TAF4: variants seen among roughly 807,000 people sequenced by gnomAD.
TAF4 encodes the protein TATA-box binding protein associated factor 4, also known as transcription initiation factor TFIID subunit 4.
In TAF4, 9 loss-of-function variants were observed where a neutral mutation model predicts 90.3. The observed-to-expected ratio is 0.10, with a 90% CI of 0.06 to 0.17. The LOEUF is 0.17. Among genes scored for constraint, TAF4 ranks in the 10% least tolerant of loss-of-function variants. The pLI, the probability that TAF4 is intolerant of heterozygous loss-of-function variation, is 1.00. For missense variants in TAF4, 1,351 were observed against 1,370.7 expected (o/e 0.99, Z 0.23); for synonymous variants, 818 against 638.9 (o/e 1.28, Z -4.23).
intron 9 of TAF4, 52 bp from the exon 10 acceptor site, chr20:62,000,773 G>A (rs1026985101): frequency 1.3e-6 from 2 of 1,597,434 alleles, no homozygotes; most frequent in Middle Eastern, 1.7e-4. Flanking sequence ...TTCATCGGGA[G>A]GTGGGCTGGG....
rs1428412855 is a variant in TAF4, at chr20:62,010,647, G to A, written c.1642-482C>T. On this transcript the variant is annotated intron_variant, in intron 3 of 14. Transcript: ENST00000252996. This position sits in a 1 kb window ranked among gnomAD's most constrained non-coding sequence, Gnocchi z 4.5. ...AGCCTCCCATAGGGGAGGGTCCCCAGCTCCCTGCAATCACCCAAACCCACC... is the reference window on the plus strand; with the variant it reads ...AGCCTCCCATAGGGGAGGGTCCCCAACTCCCTGCAATCACCCAAACCCACC... 6.6e-6 allele frequency among the ~76,000 whole-genome samples: 1 copy of A among 152,128 alleles called. No homozygotes were observed. Among genetic ancestry groups the A allele is most frequent in the Non-Finnish European group, 1.5e-5 (1 of 68,034 alleles).
At chr20:62,029,052 C>T (rs1366142034) in intron 1 of TAF4, among the ~76,000 whole-genome samples, 2 of 152,028 alleles carry the variant, frequency 1.3e-5, no homozygotes, top group Non-Finnish European at 1.5e-5. Flanking sequence ...AAAAATTAGC[C>T]GGGCACGGTG....
Position 62,037,925 on chromosome 20 carries a change from G to A in TAF4, c.1361-23218C>T, listed in dbSNP as rs186443420. On this transcript the variant is annotated intron_variant, in intron 1 of 14. Coordinates refer to ENST00000252996, the MANE Select transcript of TAF4 (RefSeq NM_003185.4). ...ACCTCTGGATTTGCACGATTTTGTG[G>A]GGATTTCTGGGTCAAGTGACTAATG... 2.0e-5 allele frequency: 4 copies of A among 199,702 alleles called. No homozygotes were observed. The East Asian group carries it at 4.7e-4, about 24-fold the overall frequency. 12.4% of individuals were successfully genotyped at this position (199,702 alleles called of 1,614,324 possible).
chr20:62,046,653 G>A (rs1426501404), intron 1 of TAF4, among the ~76,000 whole-genome samples: 1 of 152,194 alleles, frequency 6.6e-6, no homozygotes, highest in African/African-American at 2.4e-5. Context: ...GCCGCACACG[G>A]TCAATCAGTA....
At chr20:62,057,500 C>T (rs1177302047) in intron 1 of TAF4, among the ~76,000 whole-genome samples, 2 of 152,290 alleles carry the variant, frequency 1.3e-5, no homozygotes, top group African/African-American at 4.8e-5. Context: ...CCAACACCAC[C>T]CTACCTGGCT....
chr20:61,986,157 T>A (rs368463106), intron 14 of TAF4, among the ~76,000 whole-genome samples: 1 of 70,770 alleles, frequency 1.4e-5, no homozygotes. Flanking sequence ...CCATCCCCCA[T>A]CAAAGGAAAC....
rs367603505 is a variant in TAF4 at position 62,014,523 on chromosome 20, A to G, written c.1521+24T>C. 10 of 1,574,606 alleles carry G rather than the reference A, an allele frequency of 6.4e-6. No individual in the cohort carries two copies. The African/African-American group carries it at 1.4e-4, about 21-fold the overall frequency. On this transcript the variant is annotated intron_variant, in intron 2 of 14. Coordinates refer to ENST00000252996, the MANE Select transcript of TAF4 (RefSeq NM_003185.4). ...GGGGCTGGGCAGGGAAGGGGTTCGC[A>G]CTCCAGGGCACACGTGCACTCACCT...
intron 14 of TAF4, among the ~76,000 whole-genome samples, chr20:61,993,581 T>C (rs1176421117): frequency 6.6e-6 from 1 of 152,222 alleles, no homozygotes; most frequent in African/African-American, 2.4e-5. Context: ...GGCTAACCAG[T>C]GTCTCGCTGC....
At chr20:61,990,712 C>T (rs962389985) in intron 14 of TAF4, among the ~76,000 whole-genome samples, 1 of 152,162 alleles carries the variant, frequency 6.6e-6, no homozygotes, top group African/African-American at 2.4e-5. Flanking sequence ...CAGGAGAGAA[C>T]CTGCTGGGAG....
intron 2 of TAF4, 41 bp from the exon 3 acceptor site, chr20:62,012,975 A>G (rs1276720124): frequency 6.2e-7 from 1 of 1,609,656 alleles, no homozygotes; most frequent in East Asian, 2.2e-5. Context: ...GCGCAAGTAA[A>G]AGGAATTCCC....
At chr20:62,043,148 C>T (rs1253756033) in intron 1 of TAF4, among the ~76,000 whole-genome samples, 2 of 152,156 alleles carry the variant, frequency 1.3e-5, no homozygotes, top group African/African-American at 4.8e-5. Flanking sequence ...ACGGTGAAAC[C>T]TACAAAAAAA....
chr20:61,992,992 C>G (rs2055640956), intron 14 of TAF4, among the ~76,000 whole-genome samples: 1 of 152,196 alleles, frequency 6.6e-6, no homozygotes, highest in Non-Finnish European at 1.5e-5. Flanking sequence ...TGGTCACCCT[C>G]TGAGGGTGAC....
intron 14 of TAF4, chr20:61,980,591 T>C (rs1171272144): frequency 6.6e-6 from 1 of 152,268 alleles, no homozygotes; most frequent in Non-Finnish European, 1.5e-5. Flanking sequence ...AGAACAGCAG[T>C]AGTAGCGAAA....
At chr20:62,057,101 C>T (rs916681754) in intron 1 of TAF4, among the ~76,000 whole-genome samples, 2 of 152,352 alleles carry the variant, frequency 1.3e-5, no homozygotes, top group African/African-American at 4.8e-5. Context: ...TTGTCCCACA[C>T]ACTTTACTGC....
chr20:62,023,857 C>T (rs73611599), intron 1 of TAF4, among the ~76,000 whole-genome samples: 32,135 of 151,062 alleles, frequency 0.21, 4,324 homozygotes, highest in Non-Finnish European at 0.3. Flanking sequence ...CCAAGGCAGG[C>T]GGATCGCCTG....
rs909166212 is a variant in TAF4 at position 61,975,289 on chromosome 20, T to C, written c.*879A>G. The C allele has an allele frequency of 2.0e-5, 3 of 152,452 alleles. No homozygotes were observed. The highest frequency in any genetic ancestry group is 1.9e-4 in the East Asian group (1 of 5,190). The allele number at this position is 152,452 out of a possible 1,614,324, so 9.4% of individuals were successfully genotyped here. A position where few individuals can be genotyped will look rare whatever the true frequency, so the allele number is the denominator to read the frequency against. On this transcript the variant is annotated 3_prime_UTR_variant, in exon 15 of 15. Transcript: ENST00000252996. The stretch of plus-strand genomic sequence containing the variant: ...TTTCTATGTCATGTGCCAAAAGTTA[T>C]GTACAATTACTGACAAAATACACCA...
At position 62,033,650 on chromosome 20, in the gene TAF4, T is replaced by C. The variant is rs531650890; in HGVS notation, c.1361-18943A>G. On this transcript the variant is annotated intron_variant, in intron 1 of 14. Coordinates refer to ENST00000252996, the MANE Select transcript of TAF4 (RefSeq NM_003185.4). ...TACTCGGGAGGCTGAAGCACAAGAA[T>C]TGCTTGAACCCGGGAGGCAGAGGTT... is the stretch of plus-strand genomic sequence containing the variant. Among the ~76,000 whole-genome samples the C allele has an allele frequency of 6.6e-5, 10 of 151,958 alleles. No individual in the cohort carries two copies. In the South Asian group the frequency reaches 1.9e-3, roughly 28 times the overall value.
chr20:62,017,929 CAAAAT>C (rs2055821715), intron 1 of TAF4, among the ~76,000 whole-genome samples: 1 of 151,482 alleles, frequency 6.6e-6, no homozygotes, highest in Non-Finnish European at 1.5e-5. Context: ...AAAATTCTAA[CAAAAT>C]AAAAGTGGCA....
At chr20:61,998,891 G>T in intron 12 of TAF4, 92 bp downstream of exon 12, 1 of 1,529,668 alleles carries the variant, frequency 6.5e-7, no homozygotes. Flanking sequence ...AACATGCTCT[G>T]ACCACCCAAA....
Sources: allele counts gnomAD v4.1 joint callset (sites outside exome capture counted in the v4.1 genomes callset), GRCh38; gene constraint gnomAD v4.1.1; non-coding constraint Gnocchi (gnomAD v3.1); transcripts MANE v1.5; gene names NCBI Gene and HGNC (gene_info 2026-07-23, HGNC 2026-07-21).